PDE2A: variants seen among roughly 807,000 people sequenced by gnomAD.
PDE2A encodes cGMP-dependent 3',5'-cyclic phosphodiesterase.
PDE2A carries 53 observed loss-of-function variants against 133.6 expected under a neutral mutation model. The ratio of observed to expected loss-of-function variants is 0.40; its 90% confidence interval spans 0.32 to 0.50. The LOEUF (loss-of-function observed/expected upper bound fraction) is 0.50, where lower values mean the gene tolerates loss of function less well. Ranked by LOEUF, PDE2A falls within the 20% of genes least tolerant of loss-of-function variation. PDE2A has a pLI of 0.73. For synonymous variants in PDE2A, 491 were observed against 490.2 expected, an observed-to-expected ratio of 1.00 and a Z score of -0.02; for missense variants, 796 against 1,232.4, an observed-to-expected ratio of 0.65 and a Z score of 5.30.
intron 2 of PDE2A, among the ~76,000 whole-genome samples, chr11:72,613,039 AT>A (rs552574153): frequency 2.6e-4 from 40 of 152,286 alleles, no homozygotes; most frequent in African/African-American, 9.6e-4. Context: ...CCTTGGTCTT[AT>A]CCCCTTTGGA....
intron 1 of PDE2A, among the ~76,000 whole-genome samples, chr11:72,662,635 T>G (rs922733218): frequency 6.6e-6 from 1 of 152,136 alleles, no homozygotes; most frequent in Non-Finnish European, 1.5e-5. Flanking sequence ...GAGGAGGGTC[T>G]AGAGCTGCCA....
chr11:72,673,398 T>TACATACACAC (rs1555007444), intron 1 of PDE2A, among the ~76,000 whole-genome samples: 1 of 148,460 alleles, frequency 6.7e-6, no homozygotes, highest in East Asian at 2.0e-4. Flanking sequence ...TCCACATGTA[T>TACATACACAC]ACACACACAC....
At chr11:72,608,963 C>T (rs368370019) in intron 2 of PDE2A, among the ~76,000 whole-genome samples, 15 of 152,306 alleles carry the variant, frequency 9.8e-5, no homozygotes, top group East Asian at 5.8e-4. Context: ...GAAACTGAGG[C>T]GCAGAGAAGG....
intron 1 of PDE2A, among the ~76,000 whole-genome samples, chr11:72,650,155 G>A (rs1417648971): frequency 1.3e-5 from 2 of 151,894 alleles, no homozygotes; most frequent in African/African-American, 4.8e-5. Flanking sequence ...CCGAGTAGCT[G>A]AGATTACAGG....
chr11:72,584,529 C>G (rs35014697), intron 18 of PDE2A, 22 bp downstream of exon 18: 36,654 of 1,572,504 alleles, frequency 0.023, 550 homozygotes, highest in African/African-American at 0.068. Flanking sequence ...CCCCGCCCCT[C>G]CGCCCGGGCC....
chr11:72,658,624 A>G (rs540413949), intron 1 of PDE2A, among the ~76,000 whole-genome samples: 10 of 152,026 alleles, frequency 6.6e-5, no homozygotes, highest in Non-Finnish European at 1.5e-4. Context: ...ATGAGACACC[A>G]CACCCAGCCC....
At position 72,576,989 on chromosome 11, in the gene PDE2A, C is replaced by T. The variant is rs1855500051; in HGVS notation, c.*395G>A. 5.0e-6 allele frequency: 1 copy of T among 199,324 alleles called. No homozygotes were observed. Among genetic ancestry groups the T allele is most frequent in the Admixed American group, 5.4e-5 (1 of 18,664 alleles). 12.3% of individuals were successfully genotyped at this position (199,324 alleles called of 1,614,324 possible). ...CTCACCTTCCCCTTCCATGAGGATCCTGGAGACCCCAAAGGGTGGGAGTCC... is the reference window on the plus strand; with the variant it reads ...CTCACCTTCCCCTTCCATGAGGATCTTGGAGACCCCAAAGGGTGGGAGTCC... On this transcript the variant is annotated 3_prime_UTR_variant, in exon 31 of 31. Transcript: ENST00000334456.
intron 1 of PDE2A, among the ~76,000 whole-genome samples, chr11:72,644,842 C>T (rs530944400): frequency 4.6e-5 from 7 of 152,282 alleles, no homozygotes; most frequent in East Asian, 1.9e-4. Context: ...CTGCAACCTC[C>T]GCCTCCCGGG....
chr11:72,659,510 T>C (rs1854990822), intron 1 of PDE2A: 1 of 151,816 alleles, frequency 6.6e-6, no homozygotes, highest in South Asian at 2.1e-4. Flanking sequence ...CCTTAATCCC[T>C]CCCTGCTTGC....
intron 11 of PDE2A, 136 bp from the exon 12 acceptor site, chr11:72,589,376 T>G: frequency 1.4e-6 from 1 of 693,778 alleles, no homozygotes; most frequent in South Asian, 1.7e-5. Flanking sequence ...TCAGCATTGA[T>G]GAGCAGAGAT....
chr11:72,625,983 C>A (rs564880889), intron 2 of PDE2A, among the ~76,000 whole-genome samples: 1 of 152,368 alleles, frequency 6.6e-6, no homozygotes, highest in South Asian at 2.1e-4. Context: ...AACCTCAGCC[C>A]GGGGCCGCAG....
At chr11:72,671,162 C>T (rs1855375372) in intron 1 of PDE2A, among the ~76,000 whole-genome samples, 1 of 152,182 alleles carries the variant, frequency 6.6e-6, no homozygotes, top group African/African-American at 2.4e-5. Flanking sequence ...ACCTCCTACA[C>T]AGCACTGCTC....
rs552542045 is a variant in PDE2A at position 72,576,179 on chromosome 11, G to A, written c.*1205C>T. 2 of 152,546 alleles carry A rather than the reference G, an allele frequency of 1.3e-5. No homozygotes were observed. Among genetic ancestry groups the A allele is most frequent in the East Asian group, 3.9e-4 (2 of 5,192 alleles). The allele number at this position is 152,546 out of a possible 1,614,324, so 9.4% of individuals were successfully genotyped here. A position where few individuals can be genotyped will look rare whatever the true frequency, so the allele number is the denominator to read the frequency against. On this transcript the variant is annotated 3_prime_UTR_variant, in exon 31 of 31. Transcript: ENST00000334456. ...TAGATTTATTCTCATGTACAAAGCG[G>A]TCAGCCCACGGGACCATATACGACA...
At chr11:72,579,507 T>TACC in intron 26 of PDE2A, 27 bp downstream of exon 26, 9 of 1,354,130 alleles carry the variant, frequency 6.6e-6, no homozygotes, top group Non-Finnish European at 9.4e-6. Flanking sequence ...TCCCCCTCAA[T>TACC]CCCCACCCCA....
Position 72,597,762 on chromosome 11 carries a change from A to G in PDE2A, c.324-143T>C. On this transcript the variant is annotated intron_variant, in intron 4 of 30. Transcript: ENST00000334456. The surrounding 1 kb of genome is among the most constrained non-coding windows in gnomAD (Gnocchi z 4.6). ...CCTGCCTCAGGTTGGACACGATGAC[A>G]GCACAAGTAAAAAAGTAGGGGACCC... 3.3e-6 allele frequency: 2 copies of G among 601,458 alleles called. No homozygotes were observed. The highest frequency in any genetic ancestry group is 5.9e-6 in the Non-Finnish European group (2 of 337,758). The allele number at this position is 601,458 out of a possible 1,614,324, so 37.3% of individuals were successfully genotyped here.
intron 2 of PDE2A, among the ~76,000 whole-genome samples, chr11:72,616,037 G>T (rs1836334636): frequency 6.6e-6 from 1 of 152,180 alleles, no homozygotes; most frequent in African/African-American, 2.4e-5. Context: ...CCCCCTCAGG[G>T]TGGGTTGGGA....
chr11:72,592,790 G>A (rs919720008), intron 6 of PDE2A, among the ~76,000 whole-genome samples: 17 of 152,032 alleles, frequency 1.1e-4, no homozygotes, highest in African/African-American at 3.6e-4. Flanking sequence ...GAGATTGGAG[G>A]CAGGAAGACC....
At chr11:72,653,843 T>A (rs1374255891) in intron 1 of PDE2A, among the ~76,000 whole-genome samples, 1 of 152,182 alleles carries the variant, frequency 6.6e-6, no homozygotes, top group Non-Finnish European at 1.5e-5. Context: ...GAAGAGAGAC[T>A]CTGGAGGTCA....
chr11:72,673,492 C>T (rs1461430705), intron 1 of PDE2A, among the ~76,000 whole-genome samples: 1 of 152,106 alleles, frequency 6.6e-6, no homozygotes, highest in Non-Finnish European at 1.5e-5. Context: ...CTTGCACATG[C>T]ACCCCCCTGC....
Sources: gnomAD v4.1 joint callset for allele counts (sites outside exome capture counted in the v4.1 genomes callset) on GRCh38, gnomAD v4.1.1 for gene constraint, Gnocchi (gnomAD v3.1) non-coding constraint, MANE v1.5 for transcripts, NCBI Gene and HGNC (gene_info 2026-07-23, HGNC 2026-07-21) for gene names.